DMD: variants seen among roughly 807,000 people sequenced by gnomAD.
DMD encodes the protein mutant dystrophin.
DMD carries 63 observed loss-of-function variants against 330.1 expected under a neutral mutation model. That is an observed-to-expected ratio of 0.19 (90% CI 0.16 to 0.24). The LOEUF (loss-of-function observed/expected upper bound fraction) is 0.24. DMD is among the 10% of genes least tolerant of loss of function. DMD has a pLI of 1.00. For synonymous variants in DMD, 1,223 were observed against 959.8 expected, an observed-to-expected ratio of 1.27 and a Z score of -5.07; for missense variants, 3,344 against 2,684.1, an observed-to-expected ratio of 1.25 and a Z score of -5.43.
rs372338685 is a variant in DMD at position 32,640,667 on chromosome X, C to T, written c.1331+3465G>A. ...AACAGAGAAGTGGTTTTTAAAATAA[C>T]TAAATGGCTAAGATAGTAAAGTATA... On this transcript the variant is annotated intron_variant, in intron 11 of 78. Coordinates refer to ENST00000357033, the MANE Select transcript of DMD (RefSeq NM_004006.3). Among the ~76,000 whole-genome samples the T allele has an allele frequency of 8.1e-5, 9 of 110,920 alleles. No homozygotes were observed. In the East Asian group the frequency reaches 1.7e-3, roughly 21 times the overall value.
At chrX:32,757,290 G>A (rs2071623907) in intron 7 of DMD, among the ~76,000 whole-genome samples, 1 of 111,239 alleles carries the variant, frequency 9.0e-6, no homozygotes, top group African/African-American at 3.3e-5. Flanking sequence ...CAACCTAACT[G>A]AAATTTTGTG....
At chrX:31,960,928 A>G (rs1412222643) in intron 45 of DMD, among the ~76,000 whole-genome samples, 2 of 111,873 alleles carry the variant, frequency 1.8e-5, no homozygotes, top group Admixed American at 9.5e-5. Context: ...CTCTCTGATC[A>G]ATCTAAAAAT....
chrX:31,366,470 C>CAAAAAAAAAAAAAAAAAAAAAAAAACAA (rs2059239291), intron 60 of DMD, among the ~76,000 whole-genome samples: 1 of 10,651 alleles, frequency 9.4e-5, no homozygotes, highest in Non-Finnish European at 1.4e-4. Context: ...CTCTCTCTCT[C>CAAAAAAAAAAAAAAAAAAAAAAAAACAA]AAAAAAAAAA....
chrX:31,755,329 GC>G (rs1464090463), intron 51 of DMD, among the ~76,000 whole-genome samples: 2 of 111,995 alleles, frequency 1.8e-5, no homozygotes, highest in Non-Finnish European at 3.8e-5. Context: ...TTGGAATGGT[GC>G]CCAAGATTTA....
intron 25 of DMD, among the ~76,000 whole-genome samples, chrX:32,456,783 G>T (rs2098361208): frequency 9.2e-6 from 1 of 108,731 alleles, no homozygotes. Flanking sequence ...TAAGTGGAAA[G>T]ATGGAGGTGC....
At chrX:32,628,257 A>ATTTTTTTTTTT (rs1463938392) in intron 11 of DMD, among the ~76,000 whole-genome samples, 1 of 14,798 alleles carries the variant, frequency 6.8e-5, no homozygotes, top group East Asian at 1.4e-3. Context: ...CAGTTGTTTT[A>ATTTTTTTTTTT]ATTTTTTTTT....
At chrX:31,331,965 G>C (rs1278613188) in intron 61 of DMD, among the ~76,000 whole-genome samples, 2 of 112,092 alleles carry the variant, frequency 1.8e-5, no homozygotes, top group African/African-American at 6.5e-5. Context: ...AGCAATTAAC[G>C]CAAAAAGAGT....
intron 71 of DMD, among the ~76,000 whole-genome samples, chrX:31,174,088 C>T (rs965957668): frequency 3.6e-5 from 4 of 111,890 alleles, no homozygotes; most frequent in Non-Finnish European, 5.7e-5. Flanking sequence ...TACAAGACTT[C>T]TTAAAACTCC....
At chrX:31,974,284 C>A (rs954760635) in intron 44 of DMD, among the ~76,000 whole-genome samples, 34 of 110,378 alleles carry the variant, frequency 3.1e-4, no homozygotes, top group African/African-American at 1.1e-3. Flanking sequence ...AGGGAGGGTG[C>A]GCATTGGTTG....
intron 71 of DMD, 149 bp downstream of exon 71, chrX:31,177,783 A>G: frequency 1.8e-6 from 1 of 567,067 alleles, no homozygotes. Context: ...AAGAAAAGAA[A>G]AAAAAAAACT....
chrX:32,783,424 A>G (rs1270522678), intron 7 of DMD, among the ~76,000 whole-genome samples: 1 of 106,433 alleles, frequency 9.4e-6, no homozygotes, highest in African/African-American at 3.4e-5. Context: ...GTACCCACAA[A>G]AATTTCCAAA....
chrX:33,319,547 G>A (rs144644074), intron 1 of DMD, among the ~76,000 whole-genome samples: 1,224 of 111,594 alleles, frequency 0.011, 10 homozygotes, highest in Middle Eastern at 0.023. Context: ...AGATTCACTT[G>A]TCATCTTTCT....
chrX:32,800,563 T>G (rs769970896), intron 7 of DMD, among the ~76,000 whole-genome samples: 1 of 111,731 alleles, frequency 9.0e-6, no homozygotes, highest in South Asian at 3.7e-4. Flanking sequence ...TTTAAGAAAC[T>G]TTTTATTATT....
chrX:31,672,084 G>A (rs2081834829), intron 53 of DMD, among the ~76,000 whole-genome samples: 1 of 111,204 alleles, frequency 9.0e-6, no homozygotes. Flanking sequence ...CCTCCCATAA[G>A]TTTTGGTATA....
chrX:31,289,268 A>T lies in DMD; in HGVS notation c.9225-28252T>A, dbSNP rs887472393. On this transcript the variant is annotated intron_variant, in intron 62 of 78. Coordinates refer to ENST00000357033, the MANE Select transcript of DMD (RefSeq NM_004006.3). ...TGACAGAGCAAAAAAAAAAAAAATA[A>T]AAAATAAAATAAAATCCATCTCAAA... Among the ~76,000 whole-genome samples, 102 of 87,472 alleles carry T rather than the reference A, an allele frequency of 1.2e-3. 9 individuals carry two copies. Among genetic ancestry groups the T allele is most frequent in the Middle Eastern group, 5.0e-3 (1 of 199 alleles). 76.0% of individuals were successfully genotyped at this position (87,472 alleles called of 115,157 possible).
intron 55 of DMD, among the ~76,000 whole-genome samples, chrX:31,543,040 C>T (rs772345272): frequency 8.9e-6 from 1 of 112,551 alleles, no homozygotes; most frequent in Non-Finnish European, 1.9e-5. Flanking sequence ...CCTCCGTGTG[C>T]AGTCCTCTAG....
intron 45 of DMD, among the ~76,000 whole-genome samples, chrX:31,937,159 A>G (rs756090983): frequency 3.4e-4 from 38 of 111,530 alleles, no homozygotes; most frequent in African/African-American, 1.2e-3. Flanking sequence ...TTCCAATATA[A>G]TTCTGCTAAA....
At chrX:32,695,245 A>G (rs1463911699) in intron 9 of DMD, among the ~76,000 whole-genome samples, 1 of 111,872 alleles carries the variant, frequency 8.9e-6, no homozygotes, top group Non-Finnish European at 1.9e-5. Context: ...GCAAATTTGA[A>G]TTCAGGTTCT....
At chrX:31,315,697 T>C (rs1235064170) in intron 62 of DMD, among the ~76,000 whole-genome samples, 1 of 112,401 alleles carries the variant, frequency 8.9e-6, no homozygotes, top group Non-Finnish European at 1.9e-5. Context: ...ATACACACAT[T>C]AAATTTTAGC....
Sources: gnomAD v4.1 joint callset for allele counts (sites outside exome capture counted in the v4.1 genomes callset) on GRCh38, gnomAD v4.1.1 for gene constraint, MANE v1.5 for transcripts, NCBI Gene and HGNC (gene_info 2026-07-23, HGNC 2026-07-21) for gene names.